EDAR: variants seen among roughly 807,000 people sequenced by gnomAD.
The protein encoded by EDAR is tumor necrosis factor receptor superfamily member EDAR.
EDAR carries 38 observed loss-of-function variants against 51.3 expected under a neutral mutation model. The ratio of observed to expected loss-of-function variants is 0.74; its 90% CI spans 0.57 to 0.97. The LOEUF is 0.97. EDAR is among the 50% of genes least tolerant of loss of function. The pLI, the probability that EDAR is intolerant of heterozygous loss-of-function variation, is 0.00. For synonymous variants in EDAR, 227 were observed against 242.1 expected, an observed-to-expected ratio of 0.94 and a Z score of 0.58; for missense variants, 528 against 595.0, an observed-to-expected ratio of 0.89 and a Z score of 1.17.
chr2:108,922,260 G>A (rs1041039974), intron 5 of EDAR, among the ~76,000 whole-genome samples: 19 of 152,260 alleles, frequency 1.2e-4, no homozygotes, highest in Admixed American at 3.3e-4. Flanking sequence ...AACCCAGAAT[G>A]ATCTGGCCTT....
chr2:108,949,464 T>C (rs1697780772), intron 1 of EDAR, among the ~76,000 whole-genome samples: 1 of 152,224 alleles, frequency 6.6e-6, no homozygotes, highest in Non-Finnish European at 1.5e-5. Context: ...CAGTTGGCTC[T>C]GAATAATATT....
intron 8 of EDAR, 38 bp downstream of exon 8, chr2:108,910,738 A>T: frequency 6.2e-7 from 1 of 1,607,330 alleles, no homozygotes; most frequent in Non-Finnish European, 8.5e-7. Context: ...AGAGATGGGC[A>T]CCGTGCACAT....
chr2:108,918,460 TGTA>T (rs1697067387), intron 5 of EDAR, among the ~76,000 whole-genome samples: 1 of 152,242 alleles, frequency 6.6e-6, no homozygotes, highest in African/African-American at 2.4e-5. Context: ...CATCTCCCCT[TGTA>T]CACTTCCGTG....
intron 1 of EDAR, among the ~76,000 whole-genome samples, chr2:108,935,470 A>C (rs1366305236): frequency 1.3e-5 from 2 of 152,228 alleles, no homozygotes; most frequent in Non-Finnish European, 2.9e-5. Flanking sequence ...AAGTTTGAGA[A>C]GCACTGGTCT....
intron 1 of EDAR, among the ~76,000 whole-genome samples, chr2:108,941,272 G>C (rs1465903310): frequency 6.6e-6 from 1 of 152,182 alleles, no homozygotes; most frequent in East Asian, 1.9e-4. Flanking sequence ...TTGCAAAATG[G>C]TTTTTGGTTG....
intron 1 of EDAR, among the ~76,000 whole-genome samples, chr2:108,937,583 AGT>A (rs1697499219): frequency 1.3e-5 from 2 of 150,792 alleles, no homozygotes; most frequent in African/African-American, 2.4e-5. Flanking sequence ...CTTATGTGTA[AGT>A]GTATTTGTAT....
At chr2:108,910,103 C>T (rs972565275) in intron 9 of EDAR, among the ~76,000 whole-genome samples, 4 of 152,200 alleles carry the variant, frequency 2.6e-5, no homozygotes, top group Non-Finnish European at 5.9e-5. Flanking sequence ...GGCACCGGCA[C>T]GGGTGGTACT....
At chr2:108,962,696 A>AG (rs1415991751) in intron 1 of EDAR, among the ~76,000 whole-genome samples, 7 of 148,310 alleles carry the variant, frequency 4.7e-5, no homozygotes, top group East Asian at 1.9e-4. Flanking sequence ...AAAAAAAAAA[A>AG]AAAAAGAGAG....
intron 1 of EDAR, among the ~76,000 whole-genome samples, chr2:108,985,370 C>G (rs1170205802): frequency 1.3e-5 from 2 of 152,204 alleles, no homozygotes. Context: ...GTGTTTGGAG[C>G]AGTAGGTCTG....
At chr2:108,941,165 C>G (rs1268990409) in intron 1 of EDAR, among the ~76,000 whole-genome samples, 1 of 152,206 alleles carries the variant, frequency 6.6e-6, no homozygotes, top group East Asian at 1.9e-4. Flanking sequence ...GGAATTAGGA[C>G]TTTAGTCCTT....
intron 1 of EDAR, among the ~76,000 whole-genome samples, chr2:108,958,409 GA>G (rs796196366): frequency 2.4e-4 from 35 of 145,784 alleles, no homozygotes; most frequent in African/African-American, 6.0e-4. Context: ...CCTTCAGCAG[GA>G]AAAAAAAAAC....
At chr2:108,920,934 C>T (rs896533796) in intron 5 of EDAR, among the ~76,000 whole-genome samples, 4 of 152,050 alleles carry the variant, frequency 2.6e-5, no homozygotes, top group Admixed American at 6.5e-5. Flanking sequence ...TGAGATAACT[C>T]GTCTAACTCA....
Position 108,950,756 on chromosome 2 carries a change from G to A in EDAR, c.-18-19724C>T, listed in dbSNP as rs540568045. ...ATCAGACCTTGGGCTGGAGATGTAA[G>A]TGCAAGATATTTATCAGAAGGCTTT... On this transcript the variant is annotated intron_variant, in intron 1 of 11. Transcript: ENST00000258443. Among the ~76,000 whole-genome samples the A allele has an allele frequency of 3.9e-5, 6 of 152,364 alleles. No individual in the cohort carries two copies. The South Asian group carries it at 1.0e-3, about 26-fold the overall frequency.
chr2:108,926,304 C>T (rs1458700335), intron 4 of EDAR, among the ~76,000 whole-genome samples: 1 of 152,178 alleles, frequency 6.6e-6, no homozygotes, highest in Non-Finnish European at 1.5e-5. Flanking sequence ...TCCCTAGCCC[C>T]CCAACCCCTG....
intron 4 of EDAR, among the ~76,000 whole-genome samples, chr2:108,926,711 T>G (rs1007652856): frequency 6.6e-6 from 1 of 152,182 alleles, no homozygotes; most frequent in African/African-American, 2.4e-5. Context: ...TGCTGCTCAT[T>G]GTTCAGCAAG....
chr2:108,930,459 C>G (rs1475235029), intron 2 of EDAR, among the ~76,000 whole-genome samples: 1 of 152,082 alleles, frequency 6.6e-6, no homozygotes, highest in Non-Finnish European at 1.5e-5. Context: ...CCACTAGAAC[C>G]ACCCTGCCTC....
chr2:108,960,141 G>T (rs1156641574), intron 1 of EDAR, among the ~76,000 whole-genome samples: 2 of 152,168 alleles, frequency 1.3e-5, no homozygotes, highest in East Asian at 1.9e-4. Flanking sequence ...TAAGAGGAGC[G>T]GGGTGGGGAT....
Position 108,984,835 on chromosome 2 carries a change from T to C in EDAR, c.-19+4125A>G, listed in dbSNP as rs77434523. On this transcript the variant is annotated intron_variant, in intron 1 of 11. Coordinates refer to ENST00000258443, the MANE Select transcript of EDAR (RefSeq NM_022336.4). ...ACATCCCAGCATGGTGCCTGGCATGTAGCAGATGCCCAGAAAACATTTGCT... is the reference window on the plus strand; with the variant it reads ...ACATCCCAGCATGGTGCCTGGCATGCAGCAGATGCCCAGAAAACATTTGCT... Among the ~76,000 whole-genome samples the C allele has an allele frequency of 4.6e-3, 694 of 152,328 alleles. 6 individuals carry two copies. The highest frequency in any genetic ancestry group is 0.016 in the African/African-American group (663 of 41,572).
At chr2:108,971,425 T>A (rs544565107) in intron 1 of EDAR, among the ~76,000 whole-genome samples, 1 of 152,042 alleles carries the variant, frequency 6.6e-6, no homozygotes, top group Admixed American at 6.5e-5. Flanking sequence ...AAATCACATT[T>A]TCAGATTATG....
Sources: gnomAD v4.1 joint callset for allele counts (sites outside exome capture counted in the v4.1 genomes callset) on GRCh38, gnomAD v4.1.1 for gene constraint, MANE v1.5 for transcripts, NCBI Gene and HGNC (gene_info 2026-07-23, HGNC 2026-07-21) for gene names.